DPP6: variants seen among roughly 807,000 people sequenced by gnomAD.
DPP6 encodes the protein A-type potassium channel modulatory protein DPP6.
Under a neutral mutation model 122.6 loss-of-function variants are expected in DPP6, and 69 were observed. That is an observed-to-expected ratio of 0.56 (90% CI 0.46 to 0.69). DPP6 has a LOEUF of 0.69. Among genes scored for constraint, DPP6 ranks in the 30% least tolerant of loss-of-function variants. DPP6 has a pLI of 0.00. For missense variants in DPP6, 928 were observed against 1,116.9 expected, an observed-to-expected ratio of 0.83 and a Z score of 2.41; for synonymous variants, 418 against 433.1, an observed-to-expected ratio of 0.97 and a Z score of 0.43.
At chr7:153,845,523 T>C in the DPP6 span, among the ~76,000 whole-genome samples, 1 of 152,016 alleles carries the variant, frequency 6.6e-6, no homozygotes, top group African/African-American at 2.4e-5. Flanking sequence ...AGCATAAATC[T>C]AGATTTTTTT....
chr7:154,234,778 A>G (rs1801107967), intron 1 of DPP6, among the ~76,000 whole-genome samples: 1 of 152,102 alleles, frequency 6.6e-6, no homozygotes, highest in African/African-American at 2.4e-5. Context: ...TCAGGTGTGC[A>G]CTCAGTATGG....
chr7:153,793,352 C>T, the DPP6 span, among the ~76,000 whole-genome samples: 8 of 145,404 alleles, frequency 5.5e-5, no homozygotes, highest in Admixed American at 2.1e-4. Flanking sequence ...AAAGGTGACT[C>T]TTGTTGTGTT....
rs1291659407 is a variant in DPP6 at position 154,403,140 on chromosome 7, CT to C, written c.244-43070del. Among the ~76,000 whole-genome samples the C allele has an allele frequency of 6.6e-6, 1 of 152,230 alleles. No individual in the cohort carries two copies. Among genetic ancestry groups the C allele is most frequent in the African/African-American group, 2.4e-5 (1 of 41,462 alleles). The stretch of plus-strand genomic sequence containing the variant: ...TAAGAGCACCAGAGAATGACTGTCT[CT>C]TTTCTTTGTGGTTCTAACGTGTCAC... On this transcript the variant is annotated intron_variant, in intron 1 of 25. Coordinates refer to ENST00000377770, the MANE Select transcript of DPP6 (RefSeq NM_130797.4). The surrounding 1 kb of genome is among the most constrained non-coding windows in gnomAD (Gnocchi z 4.1).
chr7:153,888,426 C>A (rs1000609341), intron 1 of DPP6, among the ~76,000 whole-genome samples: 4 of 152,206 alleles, frequency 2.6e-5, no homozygotes, highest in African/African-American at 9.6e-5. Context: ...GGATAACTTT[C>A]TAAGTGGAGG....
In DPP6 at chr7:154,689,434, G is replaced by A. The variant is rs759580445; in HGVS notation, c.762+19993G>A. Among the ~76,000 whole-genome samples the A allele has an allele frequency of 1.4e-4, 21 of 152,156 alleles. 1 individual carries two copies. The highest frequency in any genetic ancestry group is 1.0e-4 in the Non-Finnish European group (7 of 68,038). On this transcript the variant is annotated intron_variant, in intron 7 of 25. Coordinates refer to ENST00000377770, the MANE Select transcript of DPP6 (RefSeq NM_130797.4). Reference sequence around the variant, plus strand: ...TTTCTGAATCTATTGAAATGATCATGTGGGTTTTTTTTCCTTTAATCTGTC... The same window carrying A: ...TTTCTGAATCTATTGAAATGATCATATGGGTTTTTTTTCCTTTAATCTGTC...
At chr7:154,849,259 A>G (rs1802191194) in intron 16 of DPP6, among the ~76,000 whole-genome samples, 1 of 152,212 alleles carries the variant, frequency 6.6e-6, no homozygotes. Flanking sequence ...TCTACAAATC[A>G]CTTTTGGTAG....
At chr7:154,199,936 C>A (rs916810766) in intron 1 of DPP6, among the ~76,000 whole-genome samples, 5 of 152,068 alleles carry the variant, frequency 3.3e-5, no homozygotes, top group Admixed American at 6.6e-5. Flanking sequence ...CAAATAACAA[C>A]AAAAAAATCT....
chr7:153,787,248 C>A, the DPP6 span, among the ~76,000 whole-genome samples: 362 of 145,638 alleles, frequency 2.5e-3, 16 homozygotes, highest in African/African-American at 8.8e-3. Context: ...CTGCGCCCGG[C>A]CACGGAAGAT....
chr7:154,338,899 A>G (rs892009692), intron 1 of DPP6, among the ~76,000 whole-genome samples: 1 of 152,118 alleles, frequency 6.6e-6, no homozygotes, highest in African/African-American at 2.4e-5. Flanking sequence ...GCCCTGCCCC[A>G]TTCATCTGCG....
intron 1 of DPP6, among the ~76,000 whole-genome samples, chr7:154,357,541 G>A (rs58785849): frequency 0.029 from 4,381 of 152,232 alleles, 199 homozygotes; most frequent in African/African-American, 0.1. Flanking sequence ...ATTCAGGCTC[G>A]AGGCAACTCA....
chr7:154,704,678 T>A (rs1041064252), intron 7 of DPP6, among the ~76,000 whole-genome samples: 4 of 152,246 alleles, frequency 2.6e-5, no homozygotes, highest in African/African-American at 9.6e-5. Context: ...TAGATGATTG[T>A]TAGCATTTTT....
At chr7:153,940,195 T>C (rs890486427) in intron 1 of DPP6, among the ~76,000 whole-genome samples, 2 of 152,136 alleles carry the variant, frequency 1.3e-5, no homozygotes, top group African/African-American at 4.8e-5. Flanking sequence ...ACTCATTTTG[T>C]CAGTCCACCG....
At chr7:153,877,866 G>A in the DPP6 span, among the ~76,000 whole-genome samples, 2 of 151,258 alleles carry the variant, frequency 1.3e-5, no homozygotes, top group East Asian at 3.9e-4. Context: ...CTTATTAACT[G>A]ACAAAGGACT....
At chr7:154,695,462 A>G (rs1840164915) in intron 7 of DPP6, among the ~76,000 whole-genome samples, 1 of 152,258 alleles carries the variant, frequency 6.6e-6, no homozygotes, top group South Asian at 2.1e-4. Flanking sequence ...AAGTTATTAC[A>G]AGATTTTAAC....
intron 1 of DPP6, among the ~76,000 whole-genome samples, chr7:153,988,351 C>T (rs1796950420): frequency 9.1e-6 from 1 of 110,284 alleles, no homozygotes; most frequent in South Asian, 3.3e-4. Context: ...CTCCTGGTTG[C>T]GACCCATCAG....
chr7:154,027,785 T>C (rs181215007), intron 1 of DPP6, among the ~76,000 whole-genome samples: 1 of 151,980 alleles, frequency 6.6e-6, no homozygotes, highest in Admixed American at 6.5e-5. Context: ...CTTATCCAAA[T>C]GATAAATTCC....
At chr7:154,892,055 A>G (rs1014260728) in intron 25 of DPP6, among the ~76,000 whole-genome samples, 6 of 152,144 alleles carry the variant, frequency 3.9e-5, no homozygotes, top group Admixed American at 3.3e-4. Flanking sequence ...AGGGCCAGGC[A>G]CCGGGGGCGT....
chr7:154,410,634 A>C (rs1816518402), intron 1 of DPP6, among the ~76,000 whole-genome samples: 1 of 152,236 alleles, frequency 6.6e-6, no homozygotes, highest in Non-Finnish European at 1.5e-5. Context: ...AAATAATCAC[A>C]CATTAGTTTT....
intron 9 of DPP6, among the ~76,000 whole-genome samples, chr7:154,772,615 T>C (rs1251930049): frequency 6.6e-6 from 1 of 152,184 alleles, no homozygotes; most frequent in Non-Finnish European, 1.5e-5. Context: ...TTGGGTGGAA[T>C]GGGAAGCGGA....
Sources: gnomAD v4.1 joint callset for allele counts (sites outside exome capture counted in the v4.1 genomes callset) on GRCh38, gnomAD v4.1.1 for gene constraint, Gnocchi (gnomAD v3.1) non-coding constraint, MANE v1.5 for transcripts, NCBI Gene and HGNC (gene_info 2026-07-23, HGNC 2026-07-21) for gene names.